MYO1H: variants seen among roughly 807,000 people sequenced by gnomAD.
MYO1H encodes myosin IH, also known as unconventional myosin-Ih.
Under a neutral mutation model 149.3 loss-of-function variants are expected in MYO1H, and 118 were observed. The ratio of observed to expected loss-of-function variants is 0.79; its 90% confidence interval spans 0.68 to 0.92. MYO1H has a LOEUF of 0.92. MYO1H is among the 40% of genes least tolerant of loss of function. MYO1H has a pLI of 0.00. For synonymous variants in MYO1H, 447 were observed against 465.2 expected (o/e 0.96, Z 0.50); for missense variants, 1,212 against 1,280.7 (o/e 0.95, Z 0.82).
intron 15 of MYO1H, among the ~76,000 whole-genome samples, chr12:109,420,594 G>C (rs1871131693): frequency 6.6e-6 from 1 of 152,100 alleles, no homozygotes; most frequent in Admixed American, 6.6e-5. Context: ...GAACAGCGAG[G>C]GGGACATCTG....
At chr12:109,425,768 C>T (rs1871330277) in intron 17 of MYO1H, among the ~76,000 whole-genome samples, 178 bp from the exon 18 acceptor site, 2 of 152,180 alleles carry the variant, frequency 1.3e-5, no homozygotes. Context: ...CTGGCCTTCT[C>T]AGGTCAGGAC....
intron 6 of MYO1H, 39 bp from the exon 7 acceptor site, chr12:109,403,943 T>C (rs1233796438): frequency 6.9e-7 from 1 of 1,441,776 alleles, no homozygotes; most frequent in South Asian, 1.2e-5. Context: ...ATTGCCCCTA[T>C]AAAAATGACA....
chr12:109,333,026 AC>A, the MYO1H span, among the ~76,000 whole-genome samples: 1 of 152,184 alleles, frequency 6.6e-6, no homozygotes, highest in Non-Finnish European at 1.5e-5. Context: ...CATTTAAAAA[AC>A]AATGTAAAAA....
In MYO1H at chr12:109,445,631, G is replaced by A; in HGVS notation, c.3093+19G>A. The A allele has an allele frequency of 6.2e-7, 1 of 1,604,542 alleles. No homozygotes were observed. Among genetic ancestry groups the A allele is most frequent in the Non-Finnish European group, 8.5e-7 (1 of 1,177,692 alleles). On this transcript the variant is annotated intron_variant, in intron 31 of 31. Transcript: ENST00000310903. ...AACAGTGGTGAGTGGCCGTCTCTGG[G>A]AGGGAAGTAAGCCGTTTTAGATGAG...
chr12:109,370,037 C>T (rs1039365761), intron 1 of MYO1H, among the ~76,000 whole-genome samples: 2 of 152,142 alleles, frequency 1.3e-5, no homozygotes, highest in Non-Finnish European at 2.9e-5. Flanking sequence ...GTCATGAGAA[C>T]AGCACAGGGA....
At chr12:109,407,488 A>G (rs191507474) in intron 9 of MYO1H, among the ~76,000 whole-genome samples, 1 of 151,132 alleles carries the variant, frequency 6.6e-6, no homozygotes, top group East Asian at 2.0e-4. Flanking sequence ...CTAGTTCAAG[A>G]CTGTGTGTGG....
chr12:109,315,057 G>A, the MYO1H span, among the ~76,000 whole-genome samples: 4 of 152,280 alleles, frequency 2.6e-5, no homozygotes, highest in East Asian at 1.9e-4. Context: ...AGCCATGATC[G>A]TGCCACTGCA....
intron 14 of MYO1H, among the ~76,000 whole-genome samples, chr12:109,412,889 G>A (rs574379399): frequency 1.6e-4 from 25 of 152,124 alleles, no homozygotes; most frequent in South Asian, 8.3e-4. Context: ...GGGTTTAAAC[G>A]ATTCTCCTGC....
chr12:109,446,376 TTA>T, intron 31 of MYO1H: 1 of 985,466 alleles, frequency 1.0e-6, no homozygotes. Context: ...GTATCTTGTA[TTA>T]TAGGAAGAAT....
At chr12:109,341,825 A>G in the MYO1H span, among the ~76,000 whole-genome samples, 1 of 152,154 alleles carries the variant, frequency 6.6e-6, no homozygotes, top group Admixed American at 6.5e-5. Context: ...TACTAGAGTT[A>G]GTGGTCTGAT....
chr12:109,411,015 G>A (rs909633754), intron 13 of MYO1H, among the ~76,000 whole-genome samples: 5 of 152,140 alleles, frequency 3.3e-5, no homozygotes, highest in South Asian at 2.1e-4. Flanking sequence ...GATGGCATGC[G>A]CCTGTAGTCC....
At chr12:109,443,877 GGGT>G (rs1026172893) in intron 28 of MYO1H, among the ~76,000 whole-genome samples, 3 of 151,758 alleles carry the variant, frequency 2.0e-5, no homozygotes, top group Non-Finnish European at 4.4e-5. Context: ...ACTCCAGCCT[GGGT>G]GGCAAAGTGA....
chr12:109,364,418 T>C (rs915613457), intron 1 of MYO1H, among the ~76,000 whole-genome samples: 1 of 152,012 alleles, frequency 6.6e-6, no homozygotes, highest in Non-Finnish European at 1.5e-5. Context: ...AGCCTCAAAC[T>C]CGGGGGCTCA....
chr12:109,407,734 T>G (rs1329861110), intron 9 of MYO1H, 60 bp from the exon 10 acceptor site: 11 of 1,544,760 alleles, frequency 7.1e-6, no homozygotes, highest in Non-Finnish European at 9.6e-6. Flanking sequence ...AAGACTTCTT[T>G]GAACACTCTG....
At chr12:109,352,443 G>T (rs976987299) in intron 1 of MYO1H, among the ~76,000 whole-genome samples, 1 of 151,986 alleles carries the variant, frequency 6.6e-6, no homozygotes, top group Non-Finnish European at 1.5e-5. Context: ...GGGCTATTTG[G>T]GTAGCTACCC....
the MYO1H span, among the ~76,000 whole-genome samples, chr12:109,337,127 T>A: frequency 6.6e-6 from 1 of 152,240 alleles, no homozygotes; most frequent in African/African-American, 2.4e-5. Flanking sequence ...ATGACTATGA[T>A]ACATTGTAAC....
intron 1 of MYO1H, among the ~76,000 whole-genome samples, chr12:109,381,442 T>C (rs181952608): frequency 5.2e-4 from 79 of 152,120 alleles, no homozygotes; most frequent in African/African-American, 1.8e-3. Context: ...TTAATTAAAC[T>C]AAAAATTACT....
chr12:109,446,182 GA>G (rs1872471417), intron 31 of MYO1H: 11 of 985,178 alleles, frequency 1.1e-5, no homozygotes, highest in Middle Eastern at 5.2e-4. Flanking sequence ...AGAGGTTTGG[GA>G]ACCATGGCTA....
the MYO1H span, among the ~76,000 whole-genome samples, chr12:109,323,433 TG>T: frequency 6.6e-6 from 1 of 152,222 alleles, no homozygotes; most frequent in African/African-American, 2.4e-5. Context: ...CCAGCTGAGT[TG>T]AATTCTTATG....
Sources: allele counts gnomAD v4.1 joint callset (sites outside exome capture counted in the v4.1 genomes callset), GRCh38; gene constraint gnomAD v4.1.1; transcripts MANE v1.5; gene names NCBI Gene and HGNC (gene_info 2026-07-23, HGNC 2026-07-21).